IFT74: variants seen among roughly 807,000 people sequenced by gnomAD.
IFT74 encodes the protein intraflagellar transport protein 74 homolog.
A neutral mutation model predicts 96.7 loss-of-function variants in IFT74; 92 were observed. The observed-to-expected ratio is 0.95, with a 90% CI of 0.80 to 1.13. IFT74 has a LOEUF of 1.13. IFT74 is among the 50% of genes most tolerant of loss of function. The pLI is 0.00. For synonymous variants in IFT74, 223 were observed against 213.2 expected, an observed-to-expected ratio of 1.05 and a Z score of -0.40; for missense variants, 811 against 698.2, an observed-to-expected ratio of 1.16 and a Z score of -1.82.
At chr9:26,993,809 C>T (rs1324845086) in intron 8 of IFT74, 1 of 152,206 alleles carries the variant, frequency 6.6e-6, no homozygotes, top group East Asian at 1.9e-4. Flanking sequence ...CCTCTAGCCA[C>T]TGTTCCATTC....
intron 16 of IFT74, among the ~76,000 whole-genome samples, chr9:27,049,306 A>G (rs114789374): frequency 0.01 from 1,533 of 152,306 alleles, 24 homozygotes; most frequent in African/African-American, 0.035. Flanking sequence ...CAGAGGAAAG[A>G]TTCACAACTG....
At chr9:26,963,746 A>G (rs1224943183) in intron 2 of IFT74, among the ~76,000 whole-genome samples, 2 of 152,230 alleles carry the variant, frequency 1.3e-5, no homozygotes, top group African/African-American at 4.8e-5. Context: ...TTTTGGCTGC[A>G]TAAATGTCTT....
chr9:27,031,666 C>A (rs1830129614), intron 13 of IFT74, among the ~76,000 whole-genome samples: 1 of 143,568 alleles, frequency 7.0e-6, no homozygotes, highest in Admixed American at 7.2e-5. Context: ...GGTGTGACAA[C>A]ATAGCTCACT....
intron 8 of IFT74, chr9:26,995,979 TTTTG>T: frequency 2.8e-6 from 2 of 718,408 alleles, no homozygotes; most frequent in South Asian, 5.4e-5. Context: ...TTTCTTTAGA[TTTTG>T]TTTGGTGGAT....
chr9:27,028,239 CT>C (rs1337136529), intron 12 of IFT74, among the ~76,000 whole-genome samples: 1 of 152,054 alleles, frequency 6.6e-6, no homozygotes, highest in African/African-American at 2.4e-5. Flanking sequence ...AAATATTAAC[CT>C]ATATAATCTT....
In IFT74 at chr9:27,018,639, C is replaced by T. The variant is rs1829463269; in HGVS notation, c.934-8C>T. ...TTTAAATACTACTTTCTTTTTATGC[C>T]TTTGTAGATTAAAGATGATAATCAG... On this transcript the variant is annotated splice_region_variant and splice_polypyrimidine_tract_variant and intron_variant, in intron 11 of 19. Transcript: ENST00000380062. 6.8e-7 allele frequency: 1 copy of T among 1,474,392 alleles called. No individual in the cohort carries two copies. Among genetic ancestry groups the T allele is most frequent in the Admixed American group, 1.8e-5 (1 of 56,168 alleles). The allele number at this position is 1,474,392 out of a possible 1,614,324, so 91.3% of individuals were successfully genotyped here.
intron 8 of IFT74, chr9:26,995,589 C>G: frequency 6.2e-7 from 1 of 1,604,062 alleles, no homozygotes; most frequent in South Asian, 1.1e-5. Context: ...TCATCTACCA[C>G]AAATGAATGT....
At chr9:27,015,797 A>G (rs949823869) in intron 10 of IFT74, among the ~76,000 whole-genome samples, 6 of 152,170 alleles carry the variant, frequency 3.9e-5, no homozygotes, top group Non-Finnish European at 4.4e-5. Context: ...AATAGAGATG[A>G]TAGTACTATC....
intron 12 of IFT74, among the ~76,000 whole-genome samples, chr9:27,026,764 C>T (rs1216561786): frequency 1.3e-5 from 2 of 152,078 alleles, no homozygotes; most frequent in Admixed American, 6.6e-5. Flanking sequence ...TTTAAAAATT[C>T]TTTGAACTGA....
intron 2 of IFT74, among the ~76,000 whole-genome samples, chr9:26,965,222 A>G (rs894965313): frequency 6.6e-6 from 1 of 152,188 alleles, no homozygotes; most frequent in Non-Finnish European, 1.5e-5. Flanking sequence ...ATGGAAATAA[A>G]TGAATAGACA....
chr9:26,971,225 A>G (rs980151998), intron 2 of IFT74, among the ~76,000 whole-genome samples: 5 of 152,216 alleles, frequency 3.3e-5, no homozygotes, highest in African/African-American at 1.2e-4. Context: ...AGTGTAGTTA[A>G]TTTTAACACT....
chr9:27,003,349 C>G (rs1284308495), intron 8 of IFT74, among the ~76,000 whole-genome samples: 2 of 152,058 alleles, frequency 1.3e-5, no homozygotes, highest in Non-Finnish European at 2.9e-5. Flanking sequence ...ATGGCGAAAC[C>G]TCATCTCTAC....
At chr9:27,010,521 G>A (rs1756223838) in intron 9 of IFT74, among the ~76,000 whole-genome samples, 1 of 138,656 alleles carries the variant, frequency 7.2e-6, no homozygotes, top group Non-Finnish European at 1.5e-5. Flanking sequence ...ACGGAGTTTC[G>A]CTCTGTCGCC....
chr9:26,971,015 A>G (rs906030278), intron 2 of IFT74, among the ~76,000 whole-genome samples: 1 of 152,164 alleles, frequency 6.6e-6, no homozygotes, highest in African/African-American at 2.4e-5. Context: ...TAACTCTCTA[A>G]TGACATGTGC....
chr9:27,055,586 C>T, intron 16 of IFT74, 23 bp from the exon 17 acceptor site: 3 of 1,517,998 alleles, frequency 2.0e-6, no homozygotes, highest in Admixed American at 2.4e-5. Flanking sequence ...GATTAATTAT[C>T]ACCTTAAATT....
chr9:26,996,406 A>T (rs1490098927), intron 8 of IFT74: 2 of 1,610,746 alleles, frequency 1.2e-6, no homozygotes, highest in African/African-American at 2.7e-5. Context: ...TGATGAAGGA[A>T]ATTTTGAGTG....
At chr9:27,003,465 G>C (rs1280029559) in intron 8 of IFT74, among the ~76,000 whole-genome samples, 1 of 152,052 alleles carries the variant, frequency 6.6e-6, no homozygotes, top group Non-Finnish European at 1.5e-5. Context: ...AGAAGTTGCA[G>C]TGAGCCGTGA....
intron 13 of IFT74, among the ~76,000 whole-genome samples, chr9:27,035,390 A>G (rs1255344575): frequency 1.3e-5 from 2 of 152,242 alleles, no homozygotes; most frequent in African/African-American, 2.4e-5. Context: ...ATGAATTATT[A>G]TTGTTCAATC....
rs1230408059 is a variant in IFT74, at chr9:26,984,327, A to G, written c.376A>G (p.Asn126Asp). The G allele has an allele frequency of 6.3e-7, 1 of 1,584,102 alleles. No individual in the cohort carries two copies. The highest frequency in any genetic ancestry group is 8.6e-7 in the Non-Finnish European group (1 of 1,163,854). ...GGGAATAGAAATGTACAATCAAGAG[A>G]ATTCAGTATATTTGTCATATGAAAA... The part of the protein sequence containing the change: ...QKGIEMYNQE[N>D]SVYLSYEKRA... The change falls in exon 5 of 20, where the codon AAT becomes GAT. Residue 126 changes from asparagine to aspartate, a missense_variant. By Grantham distance (23) the Asn-to-Asp change is conservative. Transcript: ENST00000380062.
Sources: allele counts gnomAD v4.1 joint callset (sites outside exome capture counted in the v4.1 genomes callset), GRCh38; gene constraint gnomAD v4.1.1; transcripts MANE v1.5; gene names NCBI Gene and HGNC (gene_info 2026-07-23, HGNC 2026-07-21).